SGMS1: variants seen among roughly 807,000 people sequenced by gnomAD.
SGMS1 encodes phosphatidylcholine:ceramide cholinephosphotransferase 1.
A neutral mutation model predicts 46.2 loss-of-function variants in SGMS1; 13 were observed. The observed-to-expected ratio is 0.28, with a 90% CI of 0.18 to 0.45. SGMS1 has a LOEUF of 0.45. Ranked by LOEUF, SGMS1 falls within the 20% of genes least tolerant of loss-of-function variation. SGMS1 has a pLI of 1.00. For synonymous variants in SGMS1, 203 were observed against 187.8 expected (o/e 1.08, Z -0.66); for missense variants, 324 against 519.9 (o/e 0.62, Z 3.66).
In SGMS1 at chr10:50,378,711, G is replaced by A. The variant is rs113481488; in HGVS notation, c.-231-34366C>T. Among the ~76,000 whole-genome samples the A allele has an allele frequency of 4.9e-3, 753 of 152,234 alleles. 11 individuals are homozygous for A. The highest frequency in any genetic ancestry group is 0.017 in the African/African-American group (711 of 41,540). On this transcript the variant is annotated intron_variant, in intron 6 of 10. Transcript: ENST00000361781. ...AAAAATATTTGCTGAATGAATAAGT[G>A]GATTTTTTAAGTGGGATTAATCACT...
At chr10:50,327,752 T>C (rs140946092) in intron 7 of SGMS1, among the ~76,000 whole-genome samples, 9 of 152,374 alleles carry the variant, frequency 5.9e-5, no homozygotes, top group African/African-American at 2.2e-4. Flanking sequence ...AAAACTTTTA[T>C]GCCATTTAAT....
At position 50,527,125 on chromosome 10, in the gene SGMS1, C is replaced by T. The variant is rs1174463129; in HGVS notation, c.-588-7204G>A. Among the ~76,000 whole-genome samples, 3 of 148,714 alleles carry T rather than the reference C, an allele frequency of 2.0e-5. No homozygotes were observed. In the East Asian group the frequency reaches 5.9e-4, roughly 29 times the overall value. ...AAAGAAAAAGAACTGGCCATGTATT[C>T]AACCATGCAGCTCATCCACAGCCAT... On this transcript the variant is annotated intron_variant, in intron 2 of 10. Coordinates refer to ENST00000361781, the MANE Select transcript of SGMS1 (RefSeq NM_147156.4).
At chr10:50,527,060 T>G (rs1445942561) in intron 2 of SGMS1, among the ~76,000 whole-genome samples, 1 of 74,914 alleles carries the variant, frequency 1.3e-5, no homozygotes, top group Non-Finnish European at 2.3e-5. Context: ...TGAGACTCTG[T>G]CTCAAAAAAA....
chr10:50,420,024 C>T (rs1434857953), intron 6 of SGMS1, among the ~76,000 whole-genome samples: 5 of 152,312 alleles, frequency 3.3e-5, no homozygotes, highest in Admixed American at 3.3e-4. Context: ...GAACTGACTG[C>T]TTCATCTCTC....
chr10:50,497,726 G>C (rs1010811418), intron 3 of SGMS1, among the ~76,000 whole-genome samples: 1 of 151,956 alleles, frequency 6.6e-6, no homozygotes, highest in Admixed American at 6.6e-5. Flanking sequence ...CCTGGGAGGC[G>C]GAGGTTGCAG....
At chr10:50,422,667 C>A (rs941906599) in intron 6 of SGMS1, among the ~76,000 whole-genome samples, 1 of 152,320 alleles carries the variant, frequency 6.6e-6, no homozygotes, top group South Asian at 2.1e-4. Flanking sequence ...ACATCACTCT[C>A]AACCACAAAC....
chr10:50,479,608 AG>A (rs1170868398), intron 3 of SGMS1, among the ~76,000 whole-genome samples: 1 of 152,200 alleles, frequency 6.6e-6, no homozygotes, highest in Non-Finnish European at 1.5e-5. Flanking sequence ...CAAAAGTAAT[AG>A]ATTTCATTGA....
In SGMS1 at chr10:50,388,571, C is replaced by T. The variant is rs554092539; in HGVS notation, c.-231-44226G>A. ...GAGGCTGCAGCGAGCTAAGTTCGCACCACTGCACTCCAGCCTGGGCGACAG... is the reference window on the plus strand; with the variant it reads ...GAGGCTGCAGCGAGCTAAGTTCGCATCACTGCACTCCAGCCTGGGCGACAG... On this transcript the variant is annotated intron_variant, in intron 6 of 10. Coordinates refer to ENST00000361781, the MANE Select transcript of SGMS1 (RefSeq NM_147156.4). Among the ~76,000 whole-genome samples, 12 of 151,574 alleles carry T rather than the reference C, an allele frequency of 7.9e-5. No individual in the cohort carries two copies. In the South Asian group the frequency reaches 2.3e-3, roughly 29 times the overall value.
chr10:50,623,523 A>C, intron 1 of SGMS1, 184 bp downstream of exon 1: 1 of 947,436 alleles, frequency 1.1e-6, no homozygotes, highest in Non-Finnish European at 1.3e-6. Flanking sequence ...CACCCACGGG[A>C]GCAGCAGCTC....
intron 8 of SGMS1, among the ~76,000 whole-genome samples, chr10:50,322,065 C>T (rs2133301268): frequency 6.6e-6 from 1 of 152,294 alleles, no homozygotes; most frequent in East Asian, 1.9e-4. Context: ...AGATGCCACC[C>T]AGACATAACC....
intron 1 of SGMS1, among the ~76,000 whole-genome samples, chr10:50,605,157 T>C (rs1020379466): frequency 1.3e-5 from 2 of 152,148 alleles, no homozygotes. Context: ...GACCACTGCA[T>C]GGAGTCAGTG....
intron 1 of SGMS1, among the ~76,000 whole-genome samples, chr10:50,610,160 G>A (rs924685643): frequency 6.6e-6 from 1 of 152,082 alleles, no homozygotes; most frequent in African/African-American, 2.4e-5. Context: ...CATCCCACCC[G>A]TAAGACACAG....
chr10:50,330,597 A>T (rs1361986907), intron 7 of SGMS1, among the ~76,000 whole-genome samples: 1 of 152,262 alleles, frequency 6.6e-6, no homozygotes, highest in East Asian at 1.9e-4. Flanking sequence ...ACTAATCCAC[A>T]GTAGGAAGAC....
intron 6 of SGMS1, among the ~76,000 whole-genome samples, chr10:50,379,836 A>T (rs1848575597): frequency 1.3e-5 from 2 of 152,104 alleles, no homozygotes; most frequent in Non-Finnish European, 2.9e-5. Flanking sequence ...GTTGCTTGGG[A>T]CCTGCCCCAA....
intron 4 of SGMS1, among the ~76,000 whole-genome samples, chr10:50,461,917 C>T (rs1483510259): frequency 6.6e-6 from 1 of 152,114 alleles, no homozygotes; most frequent in Admixed American, 6.5e-5. Context: ...AATAATCAAA[C>T]ATAGGTACAA....
At chr10:50,475,802 C>G (rs1837420553) in intron 3 of SGMS1, among the ~76,000 whole-genome samples, 1 of 152,026 alleles carries the variant, frequency 6.6e-6, no homozygotes, top group African/African-American at 2.4e-5. Context: ...TGCCTGCTAC[C>G]CCTTCACCTT....
chr10:50,331,208 G>A (rs1168113965), intron 7 of SGMS1, among the ~76,000 whole-genome samples: 1 of 152,162 alleles, frequency 6.6e-6, no homozygotes, highest in Non-Finnish European at 1.5e-5. Context: ...CAATTGTTTT[G>A]CCAAAGTTCT....
At chr10:50,437,250 A>G (rs1313410995) in intron 5 of SGMS1, among the ~76,000 whole-genome samples, 1 of 152,218 alleles carries the variant, frequency 6.6e-6, no homozygotes, top group Admixed American at 6.5e-5. Context: ...GGAGACCACA[A>G]AAGGGCTTGG....
At chr10:50,599,666 C>G (rs1838630770) in intron 1 of SGMS1, among the ~76,000 whole-genome samples, 1 of 152,072 alleles carries the variant, frequency 6.6e-6, no homozygotes, top group South Asian at 2.1e-4. Flanking sequence ...AGTTCGAGAC[C>G]AGCCTGGCCA....
Sources: allele counts gnomAD v4.1 joint callset (sites outside exome capture counted in the v4.1 genomes callset), GRCh38; gene constraint gnomAD v4.1.1; transcripts MANE v1.5; gene names NCBI Gene and HGNC (gene_info 2026-07-23, HGNC 2026-07-21).